The following PEAK1 variants were observed in gnomAD, a reference collection of about 807,000 sequenced individuals.
PEAK1 encodes pseudopodium enriched atypical kinase 1, also known as inactive tyrosine-protein kinase PEAK1.
Under a neutral mutation model 124.7 loss-of-function variants are expected in PEAK1, and 54 were observed. That is an observed-to-expected ratio of 0.43 (90% CI 0.35 to 0.54). PEAK1 has a LOEUF of 0.54. Among genes scored for constraint, PEAK1 ranks in the 20% least tolerant of loss-of-function variants. The pLI is 0.01. For synonymous variants in PEAK1, 719 were observed against 760.0 expected, an observed-to-expected ratio of 0.95 and a Z score of 0.89; for missense variants, 2,046 against 2,134.5, an observed-to-expected ratio of 0.96 and a Z score of 0.82.
chr15:77,378,420 C>T (rs2069208678), intron 1 of PEAK1, among the ~76,000 whole-genome samples: 2 of 151,826 alleles, frequency 1.3e-5, no homozygotes, highest in East Asian at 1.9e-4. Flanking sequence ...TTACAGAGTA[C>T]GGAATTCAAT....
intron 6 of PEAK1, among the ~76,000 whole-genome samples, chr15:77,203,761 A>G (rs2058488714): frequency 6.6e-6 from 1 of 152,164 alleles, no homozygotes. Context: ...CACAGAAATT[A>G]ACTCCCAGTG....
intron 2 of PEAK1, chr15:77,347,682 C>T (rs1400687309): frequency 3.1e-6 from 3 of 973,072 alleles, no homozygotes; most frequent in Non-Finnish European, 3.7e-6. Context: ...CCTCCTAAAA[C>T]AGAAATTTTT....
At chr15:77,198,508 T>C (rs918945288) in intron 6 of PEAK1, among the ~76,000 whole-genome samples, 5 of 152,166 alleles carry the variant, frequency 3.3e-5, no homozygotes, top group Admixed American at 2.0e-4. Context: ...CATTGCAAGA[T>C]AAATGAATCT....
chr15:77,105,353 T>TGCGC (rs1211721842), downstream of PEAK1: 9 of 77,704 alleles, frequency 1.2e-4, no homozygotes, highest in African/African-American at 3.8e-4. Context: ...TGTGTGTGTG[T>TGCGC]GTGTGCGCGC....
intron 5 of PEAK1, chr15:77,278,780 C>T (rs2152963710): frequency 1.0e-5 from 4 of 399,446 alleles, no homozygotes; most frequent in Admixed American, 8.6e-5. Flanking sequence ...GGTGACTATA[C>T]AGTTTGAAAT....
chr15:77,379,537 C>T (rs2069305085), intron 1 of PEAK1, among the ~76,000 whole-genome samples: 1 of 152,138 alleles, frequency 6.6e-6, no homozygotes, highest in African/African-American at 2.4e-5. Context: ...TCTAGCTGGA[C>T]ATACTAGGCT....
intron 2 of PEAK1, among the ~76,000 whole-genome samples, chr15:77,327,335 G>T (rs1321388150): frequency 2.6e-5 from 4 of 151,676 alleles, no homozygotes; most frequent in Admixed American, 2.0e-4. Flanking sequence ...TTGGGGCAAG[G>T]GTATGTTTAA....
intron 2 of PEAK1, among the ~76,000 whole-genome samples, chr15:77,354,365 C>A (rs964787245): frequency 1.5e-4 from 23 of 152,204 alleles, no homozygotes; most frequent in African/African-American, 4.3e-4. Flanking sequence ...CCTGCTAAAG[C>A]TTTCTGGCAT....
intron 7 of PEAK1, among the ~76,000 whole-genome samples, chr15:77,167,328 C>T (rs2056171727): frequency 6.6e-6 from 1 of 152,114 alleles, no homozygotes. Flanking sequence ...TATATTACCT[C>T]CCAAAAGGAA....
rs577866397 is a variant in PEAK1 at position 77,271,878 on chromosome 15, T to C, written c.-275+12005A>G. On this transcript the variant is annotated intron_variant, in intron 5 of 9. Coordinates refer to ENST00000682557, the MANE Select transcript of PEAK1 (RefSeq NM_001385026.1). ...CACACCAACACGGCACATGTATACA[T>C]ATGTAACAAACCTGCACGTTGTGCA... 1.6e-4 allele frequency among the ~76,000 whole-genome samples: 25 copies of C among 152,196 alleles called. No individual in the cohort carries two copies. The South Asian group carries it at 5.0e-3, about 30-fold the overall frequency.
At chr15:77,235,835 C>T (rs914593151) in intron 6 of PEAK1, among the ~76,000 whole-genome samples, 5 of 152,220 alleles carry the variant, frequency 3.3e-5, no homozygotes, top group South Asian at 4.1e-4. Flanking sequence ...TGGTGCCCTG[C>T]GTCCCAGCTG....
At chr15:77,299,929 T>C (rs1332639717) in intron 2 of PEAK1, among the ~76,000 whole-genome samples, 1 of 152,234 alleles carries the variant, frequency 6.6e-6, no homozygotes, top group Non-Finnish European at 1.5e-5. Flanking sequence ...TATGACTATT[T>C]AGTCTGATGC....
intron 2 of PEAK1, among the ~76,000 whole-genome samples, chr15:77,316,161 A>T (rs572540285): frequency 3.5e-4 from 53 of 152,302 alleles, no homozygotes; most frequent in Non-Finnish European, 6.5e-4. Context: ...TGTGAGATAT[A>T]TTTTATCAGT....
chr15:77,394,559 G>A (rs1477308255), intron 1 of PEAK1, among the ~76,000 whole-genome samples: 3 of 152,184 alleles, frequency 2.0e-5, no homozygotes, highest in Admixed American at 6.6e-5. Context: ...GCAAAAGCCG[G>A]TGTTACTGGG....
intron 8 of PEAK1, among the ~76,000 whole-genome samples, chr15:77,139,583 T>C (rs1406760208): frequency 6.6e-6 from 1 of 152,152 alleles, no homozygotes; most frequent in Non-Finnish European, 1.5e-5. Context: ...GAGACCAGTG[T>C]TGTTTGTGCA....
intron 2 of PEAK1, among the ~76,000 whole-genome samples, chr15:77,293,096 G>A (rs538294162): frequency 6.6e-6 from 1 of 152,078 alleles, no homozygotes; most frequent in Non-Finnish European, 1.5e-5. Context: ...CCACATCCTC[G>A]CCAGGCACCA....
intron 2 of PEAK1, among the ~76,000 whole-genome samples, chr15:77,316,665 G>A (rs2064895212): frequency 1.3e-5 from 2 of 152,150 alleles, no homozygotes; most frequent in Non-Finnish European, 2.9e-5. Context: ...AACACAGCAA[G>A]TATTCAATGA....
rs1311593553 is a variant in PEAK1 at position 77,371,042 on chromosome 15, AAAAG to A, written c.-665-5821_-665-5818del. The A allele has an allele frequency of 5.8e-5, 53 of 911,466 alleles. No individual in the cohort carries two copies. In the Admixed American group the frequency reaches 6.8e-4, roughly 12 times the overall value. 56.5% of individuals were successfully genotyped at this position (911,466 alleles called of 1,614,324 possible). ...AGACTCCGTCTCAAAAAAAAAAAAAAAAAGAAAGAAAGAAAGAAAAATCCAACAC... is the reference window on the plus strand; with the variant it reads ...AGACTCCGTCTCAAAAAAAAAAAAAAAAAGAAAGAAAGAAAAATCCAACAC... On this transcript the variant is annotated intron_variant, in intron 1 of 9. Transcript: ENST00000682557.
At chr15:77,200,323 G>A (rs2058303839) in intron 6 of PEAK1, among the ~76,000 whole-genome samples, 1 of 152,094 alleles carries the variant, frequency 6.6e-6, no homozygotes, top group Non-Finnish European at 1.5e-5. Flanking sequence ...TTAATCAACT[G>A]TTTATATTAT....
Sources: allele counts gnomAD v4.1 joint callset (sites outside exome capture counted in the v4.1 genomes callset), GRCh38; gene constraint gnomAD v4.1.1; transcripts MANE v1.5; gene names NCBI Gene and HGNC (gene_info 2026-07-23, HGNC 2026-07-21).